The following STOX2 variants were observed in gnomAD, a reference collection of about 807,000 sequenced individuals.
The protein encoded by STOX2 is storkhead box 2.
Under a neutral mutation model 60.9 loss-of-function variants are expected in STOX2, and 28 were observed. The observed-to-expected ratio is 0.46, with a 90% CI of 0.34 to 0.63. The LOEUF is 0.63. Ranked by LOEUF, STOX2 falls within the 30% of genes least tolerant of loss-of-function variation. The pLI is 0.01. For synonymous variants in STOX2, 472 were observed against 463.9 expected, an observed-to-expected ratio of 1.02 and a Z score of -0.22; for missense variants, 1,024 against 1,187.7, an observed-to-expected ratio of 0.86 and a Z score of 2.03.
chr4:183,915,366 CGTT>C (rs1741900529), intron 1 of STOX2, among the ~76,000 whole-genome samples: 2 of 151,922 alleles, frequency 1.3e-5, no homozygotes, highest in Admixed American at 1.3e-4. Context: ...GAAATTGTCT[CGTT>C]ATTAGAGAAA....
chr4:183,928,251 C>A (rs1377587851), intron 1 of STOX2, among the ~76,000 whole-genome samples: 2 of 152,118 alleles, frequency 1.3e-5, no homozygotes, highest in African/African-American at 2.4e-5. Context: ...GTGTACCCTT[C>A]TGTTCATCTC....
At chr4:183,886,293 T>TGTTGGATGGTGTAG (rs1741080735) in intron 1 of STOX2, among the ~76,000 whole-genome samples, 10 of 151,276 alleles carry the variant, frequency 6.6e-5, no homozygotes, top group African/African-American at 2.4e-4. Flanking sequence ...TTCAGATGGT[T>TGTTGGATGGTGTAG]GCTGGATGGT....
At chr4:183,891,222 A>C (rs1431998707) in intron 1 of STOX2, among the ~76,000 whole-genome samples, 1 of 151,712 alleles carries the variant, frequency 6.6e-6, no homozygotes, top group Non-Finnish European at 1.5e-5. Context: ...AAAATATGGA[A>C]CCAGCCCAAA....
intron 1 of STOX2, among the ~76,000 whole-genome samples, chr4:183,941,895 T>C (rs1005658218): frequency 1.3e-5 from 2 of 152,212 alleles, no homozygotes; most frequent in African/African-American, 4.8e-5. Context: ...GATTCTCTTA[T>C]TGACATTTAT....
intron 1 of STOX2, among the ~76,000 whole-genome samples, chr4:183,937,230 C>T (rs1742614459): frequency 6.6e-6 from 1 of 152,174 alleles, no homozygotes; most frequent in Admixed American, 6.5e-5. Context: ...CATTGAGGCT[C>T]TTTAATGTAC....
rs746203049 is a variant in STOX2 at position 183,821,387 on chromosome 4, G to A, written c.364+23332G>A. The stretch of plus-strand genomic sequence containing the variant: ...AGAGGATCTTTTATAAAGAACAAAC[G>A]AAAGCATTACACTGATATTATTCAT... On this transcript the variant is annotated intron_variant, in intron 1 of 2. Coordinates refer to the STOX2 transcript ENST00000513034. This position sits in a 1 kb window ranked among gnomAD's most constrained non-coding sequence, Gnocchi z 4.2. 1.3e-5 allele frequency among the ~76,000 whole-genome samples: 2 copies of A among 152,192 alleles called. No individual in the cohort carries two copies. Among genetic ancestry groups the A allele is most frequent in the Non-Finnish European group, 2.9e-5 (2 of 68,042 alleles).
chr4:183,823,166 T>G (rs1036470551), intron 1 of STOX2, among the ~76,000 whole-genome samples: 1 of 152,134 alleles, frequency 6.6e-6, no homozygotes, highest in Non-Finnish European at 1.5e-5. Context: ...GAGGCCAAGG[T>G]GGGTGGATCA....
At position 183,974,373 on chromosome 4, in the gene STOX2, G is replaced by A. The variant is rs892430969; in HGVS notation, c.167-26952G>A. On this transcript the variant is annotated intron_variant, in intron 1 of 3. Coordinates refer to ENST00000308497, the MANE Select transcript of STOX2 (RefSeq NM_020225.3). ...ATAAAGGGTAGATTTAAATTTCAAC[G>A]TATAACTAATTATATTAAATATAAA... 5.9e-5 allele frequency among the ~76,000 whole-genome samples: 9 copies of A among 152,052 alleles called. No homozygotes were observed. The East Asian group carries it at 7.7e-4, about 13-fold the overall frequency.
rs1439074451 is a variant in STOX2, at chr4:184,010,618, A to G, written c.1780A>G (p.Lys594Glu). The change falls in exon 3 of 4, where the codon AAA becomes GAA. Residue 594 changes from lysine to glutamate, a missense_variant. Physicochemically the swap from Lys to Glu is moderately conservative, Grantham distance 56. Coordinates refer to ENST00000308497, the MANE Select transcript of STOX2 (RefSeq NM_020225.3). This position sits in a 1 kb window ranked among gnomAD's most constrained non-coding sequence, Gnocchi z 4.5. ...TGGCGAACTCAACTCTTGTCCAACA[A>G]AAACAGCCACAGATGACTATTTCCA... ...SYGELNSCPT[K>E]TATDDYFQCN... is the part of the protein sequence containing the mutation. 1 of 1,613,922 alleles carries G rather than the reference A, an allele frequency of 6.2e-7. No homozygotes were observed. The highest frequency in any genetic ancestry group is 2.2e-5 in the East Asian group (1 of 44,894).
intron 1 of STOX2, among the ~76,000 whole-genome samples, chr4:183,913,398 A>G (rs1382304371): frequency 6.6e-6 from 1 of 152,024 alleles, no homozygotes; most frequent in South Asian, 2.1e-4. Context: ...GCATGTTGTG[A>G]ACGTCTAGAG....
chr4:184,011,215 G>A lies in STOX2; in HGVS notation c.2377G>A (p.Glu793Lys), dbSNP rs1304344300. 3.1e-6 allele frequency: 5 copies of A among 1,607,990 alleles called. No individual in the cohort carries two copies. In the African/African-American group the frequency reaches 5.4e-5, roughly 17 times the overall value. Residue 793 changes from glutamate to lysine, a missense_variant, in exon 3 of 4, where the codon GAG (glutamate) becomes AAG (lysine). By Grantham distance (56) the Glu-to-Lys change is moderately conservative. Around this residue, in one of 3 missense-constraint regions of STOX2, gnomAD observed 922 missense variants for 1,058.3 expected, o/e 0.87. Coordinates refer to ENST00000308497, the MANE Select transcript of STOX2 (RefSeq NM_020225.3). The surrounding 1 kb of genome is among the most constrained non-coding windows in gnomAD (Gnocchi z 4.4). The stretch of plus-strand genomic sequence containing the variant: ...AGGGGCAAACAAGAACACAGAGGAG[G>A]AGAAAAATAGAGAGGACGTAGGCAC... ...EEGANKNTEE[E>K]KNREDVGTMQ...
At chr4:183,833,842 C>A (rs1476713637) in intron 1 of STOX2, among the ~76,000 whole-genome samples, 1 of 151,110 alleles carries the variant, frequency 6.6e-6, no homozygotes, top group African/African-American at 2.4e-5. Context: ...ATTAGCCGGG[C>A]GTGGTGGCAG....
At chr4:183,907,159 ATTAG>A (rs1741643564) in intron 1 of STOX2, among the ~76,000 whole-genome samples, 1 of 152,080 alleles carries the variant, frequency 6.6e-6, no homozygotes, top group South Asian at 2.1e-4. Context: ...TTGGAGAGCT[ATTAG>A]TTAGGTAAAA....
In STOX2 at chr4:184,009,084, T is replaced by C; in HGVS notation, c.320-74T>C. On this transcript the variant is annotated intron_variant, in intron 2 of 3. Transcript: ENST00000308497. The surrounding 1 kb of genome is among the most constrained non-coding windows in gnomAD (Gnocchi z 4.0). Reference sequence around the variant, plus strand: ...GGTACTTCGCATCTTGGCGAATGAATAGGATCCTGGAAATCAGGAATCCAC... The same window carrying C: ...GGTACTTCGCATCTTGGCGAATGAACAGGATCCTGGAAATCAGGAATCCAC... 1 of 1,179,292 alleles carries C rather than the reference T, an allele frequency of 8.5e-7. No individual in the cohort carries two copies. The highest frequency in any genetic ancestry group is 1.2e-6 in the Non-Finnish European group (1 of 850,350). The allele number at this position is 1,179,292 out of a possible 1,614,324, so 73.1% of individuals were successfully genotyped here.
At chr4:183,941,245 C>T (rs922811719) in intron 1 of STOX2, among the ~76,000 whole-genome samples, 1 of 151,964 alleles carries the variant, frequency 6.6e-6, no homozygotes, top group Non-Finnish European at 1.5e-5. Context: ...TTTTGGTTCT[C>T]CTACTCTTCA....
intron 1 of STOX2, among the ~76,000 whole-genome samples, chr4:183,994,741 A>T (rs1733260977): frequency 1.3e-5 from 2 of 152,102 alleles, no homozygotes; most frequent in South Asian, 4.1e-4. Flanking sequence ...TGCTTTTTTT[A>T]TATTGGGAAT....
At chr4:183,845,884 G>A (rs949631019) in intron 1 of STOX2, among the ~76,000 whole-genome samples, 1 of 152,158 alleles carries the variant, frequency 6.6e-6, no homozygotes, top group Non-Finnish European at 1.5e-5. Flanking sequence ...TACTTATGTA[G>A]TGTACTTATA....
chr4:183,958,094 G>C (rs1273909105), intron 1 of STOX2, among the ~76,000 whole-genome samples: 2 of 151,216 alleles, frequency 1.3e-5, no homozygotes, highest in Non-Finnish European at 2.9e-5. Flanking sequence ...CGTGAATAAG[G>C]CACCCTGGTT....
chr4:184,016,986 CAG>C, intron 3 of STOX2, 101 bp from the exon 4 acceptor site: 1 of 955,316 alleles, frequency 1.0e-6, no homozygotes, highest in Non-Finnish European at 1.5e-6. Context: ...TATGAACCAA[CAG>C]AGGAAATCCA....
Sources: allele counts gnomAD v4.1 joint callset (sites outside exome capture counted in the v4.1 genomes callset), GRCh38; gene constraint gnomAD v4.1.1; regional missense constraint gnomAD v4.1.1; non-coding constraint Gnocchi (gnomAD v3.1); transcripts MANE v1.5; gene names NCBI Gene and HGNC (gene_info 2026-07-23, HGNC 2026-07-21).